PTPRS: variants seen among roughly 807,000 people sequenced by gnomAD.
PTPRS encodes the protein receptor-type tyrosine-protein phosphatase S.
In PTPRS, 63 loss-of-function variants were observed where a neutral mutation model predicts 215.3. The ratio of observed to expected loss-of-function variants is 0.29; its 90% CI spans 0.24 to 0.36. The LOEUF (loss-of-function observed/expected upper bound fraction) is 0.36, where lower values mean the gene tolerates loss of function less well. Ranked by LOEUF, PTPRS falls within the 10% of genes least tolerant of loss-of-function variation. PTPRS has a pLI of 1.00. For synonymous variants in PTPRS, 1,404 were observed against 1,191.4 expected (o/e 1.18, Z -3.68); for missense variants, 2,258 against 2,825.8 (o/e 0.80, Z 4.56).
chr19:5,218,806 C>T lies in PTPRS; in HGVS notation c.3924-8G>A, dbSNP rs745339536. The stretch of plus-strand genomic sequence containing the variant: ...TCTTACCTGTCGGGTTTGCTGTTCC[C>T]GAAAGCAGACACAGGTGAGAAGGGG... On this transcript the variant is annotated splice_polypyrimidine_tract_variant and splice_region_variant and intron_variant, in intron 23 of 37. Transcript: ENST00000262963. 5 of 1,601,296 alleles carry T rather than the reference C, an allele frequency of 3.1e-6. No individual in the cohort carries two copies. Among genetic ancestry groups the T allele is most frequent in the South Asian group, 1.1e-5 (1 of 88,114 alleles).
intron 7 of PTPRS, 116 bp from the exon 8 acceptor site, chr19:5,258,243 G>T: frequency 1.2e-6 from 1 of 856,918 alleles, no homozygotes; most frequent in Non-Finnish European, 1.9e-6. Flanking sequence ...GGGCCAGAGA[G>T]GCAGATAAGA....
In PTPRS at chr19:5,276,833, G is replaced by C. The variant is rs554160624; in HGVS notation, c.92-2489C>G. 1.7e-3 allele frequency among the ~76,000 whole-genome samples: 258 copies of C among 152,132 alleles called. 1 individual carries two copies. The highest frequency in any genetic ancestry group is 5.9e-3 in the African/African-American group (247 of 41,516). On this transcript the variant is annotated intron_variant, in intron 2 of 37. Transcript: ENST00000262963. ...CTGGGATTACAGGCGTGAGCCACCA[G>C]GCAGGTGAGTATGCCTATTTTAACA...
chr19:5,300,827 A>T (rs2049282043), intron 1 of PTPRS, among the ~76,000 whole-genome samples: 1 of 152,068 alleles, frequency 6.6e-6, no homozygotes, highest in South Asian at 2.1e-4. Context: ...TATATAACAA[A>T]AAAATTTCCA....
chr19:5,286,208 C>G lies in PTPRS; in HGVS notation c.-68G>C, dbSNP rs758699591. ...CCCCCGGTCCCTCACAGAGAGGCCTCGAGCCGAGCGTCAGATGGGGCAACG... is the reference window on the plus strand; with the variant it reads ...CCCCCGGTCCCTCACAGAGAGGCCTGGAGCCGAGCGTCAGATGGGGCAACG... On this transcript the variant is annotated 5_prime_UTR_variant, in exon 2 of 38. Coordinates refer to ENST00000262963, the MANE Select transcript of PTPRS (RefSeq NM_002850.4). 1 of 1,558,680 alleles carries G rather than the reference C, an allele frequency of 6.4e-7. No individual in the cohort carries two copies. Among genetic ancestry groups the G allele is most frequent in the Non-Finnish European group, 8.7e-7 (1 of 1,144,936 alleles).
chr19:5,329,155 C>G (rs1003519818), intron 1 of PTPRS, among the ~76,000 whole-genome samples: 11 of 152,026 alleles, frequency 7.2e-5, no homozygotes, highest in Admixed American at 4.6e-4. Flanking sequence ...GAGCTCCCGG[C>G]AGAGCAAGGA....
chr19:5,218,638 G>T (rs555501945), intron 24 of PTPRS, 106 bp from the exon 25 acceptor site: 2 of 1,506,434 alleles, frequency 1.3e-6, no homozygotes, highest in African/African-American at 1.4e-5. Flanking sequence ...CCATGGACCC[G>T]TATGACTAGG....
chr19:5,299,503 C>G (rs532206772), intron 1 of PTPRS, among the ~76,000 whole-genome samples: 1 of 152,346 alleles, frequency 6.6e-6, no homozygotes, highest in Non-Finnish European at 1.5e-5. Flanking sequence ...CACCCATCAC[C>G]CATTACCCAT....
chr19:5,280,104 C>G (rs2047723027), intron 2 of PTPRS, among the ~76,000 whole-genome samples: 1 of 152,228 alleles, frequency 6.6e-6, no homozygotes, highest in Admixed American at 6.5e-5. Flanking sequence ...GGTCTAACAA[C>G]TCAAACTTGA....
At chr19:5,331,128 T>TAAAAAAAAAAAA (rs1041351468) in intron 1 of PTPRS, among the ~76,000 whole-genome samples, 2 of 100,150 alleles carry the variant, frequency 2.0e-5, no homozygotes, top group African/African-American at 8.6e-5. Context: ...CTTCTTTTTT[T>TAAAAAAAAAAAA]AAAAAAAAAA....
chr19:5,253,326 C>T (rs1390882102), intron 9 of PTPRS, among the ~76,000 whole-genome samples: 3 of 152,164 alleles, frequency 2.0e-5, no homozygotes, highest in Admixed American at 2.0e-4. Context: ...GGAGATCTGT[C>T]AGTTTAGAAA....
intron 16 of PTPRS, among the ~76,000 whole-genome samples, chr19:5,226,316 C>T (rs996965754): frequency 6.6e-6 from 1 of 152,178 alleles, no homozygotes; most frequent in African/African-American, 2.4e-5. Flanking sequence ...TGGCACTGGC[C>T]TTCCCCCCTG....
Position 5,219,484 on chromosome 19 carries a change from G to T in PTPRS, c.3766-17C>A. On this transcript the variant is annotated splice_polypyrimidine_tract_variant and intron_variant, in intron 22 of 37. Transcript: ENST00000262963. ...TGCAAAGGTCTGCAGGGAAAGGAGG[G>T]GGGTCTCCATCAGTGTCCACCCTCC... 1 of 1,551,172 alleles carries T rather than the reference G, an allele frequency of 6.4e-7. No individual in the cohort carries two copies. The highest frequency in any genetic ancestry group is 8.7e-7 in the Non-Finnish European group (1 of 1,152,326).
At chr19:5,274,472 G>A in intron 2 of PTPRS, 128 bp from the exon 3 acceptor site, 4 of 1,149,864 alleles carry the variant, frequency 3.5e-6, no homozygotes, top group East Asian at 2.6e-5. Flanking sequence ...ATGAAGAGAG[G>A]AGGAGGAAAG....
intron 1 of PTPRS, among the ~76,000 whole-genome samples, chr19:5,321,167 G>A (rs1237784441): frequency 6.6e-6 from 1 of 152,168 alleles, no homozygotes; most frequent in Non-Finnish European, 1.5e-5. Context: ...CAGCTGCTCA[G>A]GGGGCTGAGG....
chr19:5,334,734 C>CCA (rs1383404624), intron 1 of PTPRS, among the ~76,000 whole-genome samples: 6 of 152,186 alleles, frequency 3.9e-5, no homozygotes, highest in African/African-American at 4.8e-5. Flanking sequence ...CGTTAGGAAT[C>CCA]CAGGTTGTGG....
intron 12 of PTPRS, 88 bp from the exon 13 acceptor site, chr19:5,239,151 A>T: frequency 7.5e-6 from 6 of 802,302 alleles, no homozygotes; most frequent in East Asian, 7.4e-5. Flanking sequence ...AGACAGAAAC[A>T]GAGGGGGGAG....
intron 8 of PTPRS, among the ~76,000 whole-genome samples, chr19:5,256,746 C>T (rs1488014488): frequency 6.6e-6 from 1 of 152,104 alleles, no homozygotes; most frequent in Admixed American, 6.5e-5. Flanking sequence ...CCCACATCCC[C>T]ATCCCCTCCC....
chr19:5,259,851 C>T (rs950140157), intron 7 of PTPRS, among the ~76,000 whole-genome samples: 8 of 152,174 alleles, frequency 5.3e-5, no homozygotes, highest in Admixed American at 1.3e-4. Context: ...ATAAAGACTC[C>T]GTCCCCATAG....
At chr19:5,340,353 C>A (rs1177906517) in intron 1 of PTPRS, among the ~76,000 whole-genome samples, 1 of 151,312 alleles carries the variant, frequency 6.6e-6, no homozygotes, top group Non-Finnish European at 1.5e-5. Flanking sequence ...GCTTCCAATG[C>A]CGCGCTCTGG....
Sources: gnomAD v4.1 joint callset for allele counts (sites outside exome capture counted in the v4.1 genomes callset) on GRCh38, gnomAD v4.1.1 for gene constraint, MANE v1.5 for transcripts, NCBI Gene and HGNC (gene_info 2026-07-23, HGNC 2026-07-21) for gene names.